Variants in ZBTB37 observed in about 807,000 individuals in gnomAD.
ZBTB37 encodes the protein zinc finger and BTB domain-containing protein 37.
Under a neutral mutation model 37.7 loss-of-function variants are expected in ZBTB37, and 15 were observed. The ratio of observed to expected loss-of-function variants is 0.40; its 90% CI spans 0.27 to 0.61. ZBTB37 has a LOEUF of 0.61. Among genes scored for constraint, ZBTB37 ranks in the 20% least tolerant of loss-of-function variants. ZBTB37 has a pLI of 0.44. For synonymous variants in ZBTB37, 231 were observed against 220.6 expected (o/e 1.05, Z -0.42); for missense variants, 514 against 641.9 (o/e 0.80, Z 2.15).
intron 2 of ZBTB37, among the ~76,000 whole-genome samples, 189 bp from the exon 3 acceptor site, chr1:173,870,011 C>T (rs912357515): frequency 6.6e-6 from 1 of 152,186 alleles, no homozygotes; most frequent in Non-Finnish European, 1.5e-5. Context: ...ACTATGTCCT[C>T]CTGTGAAACT....
chr1:173,887,122 C>G (rs754319298), downstream of ZBTB37: 3 of 152,146 alleles, frequency 2.0e-5, no homozygotes, highest in Non-Finnish European at 4.4e-5. Context: ...ATTTTTAAAT[C>G]CACAGGTCTC....
At chr1:173,876,071 T>A (rs903331920) in intron 4 of ZBTB37, among the ~76,000 whole-genome samples, 5 of 152,140 alleles carry the variant, frequency 3.3e-5, no homozygotes, top group Non-Finnish European at 7.3e-5. Flanking sequence ...GAATGATGGG[T>A]TTTTTTCTAT....
chr1:173,870,706 C>T (rs781509567), exon 3 of ZBTB37: 23 of 1,614,042 alleles, frequency 1.4e-5, no homozygotes, highest in Admixed American at 1.0e-4. Context: ...AAATCTCAAC[C>T]GCTCCCTTAG....
intron 4 of ZBTB37, among the ~76,000 whole-genome samples, chr1:173,874,270 AAAAG>A (rs1471884071): frequency 5.3e-5 from 8 of 151,484 alleles, no homozygotes; most frequent in Non-Finnish European, 8.8e-5. Flanking sequence ...AAAAAAAAAA[AAAAG>A]AAATACAAGG....
At chr1:173,892,114 A>G (rs1450775071) in exon 4 of ZBTB37, 2 of 152,224 alleles carry the variant, frequency 1.3e-5, no homozygotes, top group Non-Finnish European at 2.9e-5. Flanking sequence ...TACCTATAGT[A>G]ACAGTAGGTT....
intron 3 of ZBTB37, among the ~76,000 whole-genome samples, 171 bp downstream of exon 3, chr1:173,871,319 A>G (rs556893717): frequency 7.2e-5 from 11 of 152,308 alleles, no homozygotes; most frequent in Non-Finnish European, 1.6e-4. Context: ...ATTTTTTTAA[A>G]CCAGGAAGCT....
intron 3 of ZBTB37, among the ~76,000 whole-genome samples, chr1:173,871,819 GTATT>G (rs902521277): frequency 6.6e-6 from 1 of 151,364 alleles, no homozygotes; most frequent in Non-Finnish European, 1.5e-5. Flanking sequence ...TTAATACATT[GTATT>G]TATTAGACAT....
chr1:173,886,178 G>A lies in ZBTB37; in HGVS notation c.*54G>A, dbSNP rs1218377856. 5 of 1,503,204 alleles carry A rather than the reference G, an allele frequency of 3.3e-6. No homozygotes were observed. The East Asian group carries it at 7.4e-5, about 22-fold the overall frequency. 93.1% of individuals were successfully genotyped at this position (1,503,204 alleles called of 1,614,324 possible). On this transcript the variant is annotated 3_prime_UTR_variant, in exon 5 of 5. Coordinates refer to ENST00000427304, the Ensembl canonical transcript of ZBTB37. The stretch of plus-strand genomic sequence containing the variant: ...TTCCCCTATGAGCCATAAGCAGCCA[G>A]CATCAGAGCCATGGGCTGATACTTA...
At chr1:173,869,246 T>C (rs1484091962) in intron 2 of ZBTB37, 126 bp downstream of exon 2, 4 of 152,260 alleles carry the variant, frequency 2.6e-5, no homozygotes, top group Admixed American at 1.3e-4. Context: ...AGGTGTGGTG[T>C]AACTATGTAA....
chr1:173,887,723 T>A (rs1656686865), downstream of ZBTB37: 1 of 152,134 alleles, frequency 6.6e-6, no homozygotes, highest in African/African-American at 2.4e-5. Flanking sequence ...TTCTTTTAAG[T>A]ATGTAATGGT....
intron 2 of ZBTB37, 56 bp from the exon 3 acceptor site, chr1:173,870,144 C>T: frequency 8.1e-7 from 1 of 1,229,600 alleles, no homozygotes; most frequent in Non-Finnish European, 1.1e-6. Context: ...AAATGGAAAC[C>T]ATCCGGGAAG....
chr1:173,888,018 T>C (rs1425522309), downstream of ZBTB37: 1 of 152,208 alleles, frequency 6.6e-6, no homozygotes, highest in Non-Finnish European at 1.5e-5. Flanking sequence ...TGAAAAAGCA[T>C]AGAAATGCAT....
chr1:173,882,108 T>G (rs1198834088), intron 4 of ZBTB37, among the ~76,000 whole-genome samples: 3 of 151,794 alleles, frequency 2.0e-5, no homozygotes, highest in Admixed American at 1.3e-4. Context: ...TTGCTGGGGT[T>G]GTTTGATTTT....
exon 4 of ZBTB37, chr1:173,893,936 C>T (rs1311468891): frequency 6.6e-6 from 1 of 152,188 alleles, no homozygotes; most frequent in Non-Finnish European, 1.5e-5. Context: ...ATCTTGATTC[C>T]AAAGCCCAGA....
intron 4 of ZBTB37, among the ~76,000 whole-genome samples, chr1:173,878,044 A>G (rs752504878): frequency 6.6e-6 from 1 of 152,172 alleles, no homozygotes; most frequent in Admixed American, 6.5e-5. Flanking sequence ...CACTGTCTCA[A>G]ACAGATAGAC....
At chr1:173,882,217 A>G (rs887055267) in intron 4 of ZBTB37, among the ~76,000 whole-genome samples, 5 of 143,184 alleles carry the variant, frequency 3.5e-5, no homozygotes, top group East Asian at 2.0e-4. Flanking sequence ...TAGGTTGCCT[A>G]TTCACTCTGA....
chr1:173,896,022 C>G (rs1317995534), exon 4 of ZBTB37: 1 of 152,188 alleles, frequency 6.6e-6, no homozygotes, highest in Non-Finnish European at 1.5e-5. Flanking sequence ...AAAGAGATCT[C>G]TGTTCCTAGG....
intron 4 of ZBTB37, among the ~76,000 whole-genome samples, chr1:173,877,091 G>A (rs1369254879): frequency 2.6e-5 from 4 of 152,088 alleles, no homozygotes; most frequent in Non-Finnish European, 2.9e-5. Context: ...ACATAGAAAC[G>A]ATAGTGTAAA....
exon 3 of ZBTB37, chr1:173,870,719 C>G: frequency 6.2e-7 from 1 of 1,614,158 alleles, no homozygotes; most frequent in African/African-American, 1.3e-5. Flanking sequence ...TCCCTTAGCC[C>G]ACGACATAAT....
Sources: gnomAD v4.1 joint callset for allele counts (sites outside exome capture counted in the v4.1 genomes callset) on GRCh38, gnomAD v4.1.1 for gene constraint, MANE v1.5 for transcripts, NCBI Gene and HGNC (gene_info 2026-07-23, HGNC 2026-07-21) for gene names.